The following IFI27L1 variants were observed in gnomAD, a reference collection of about 807,000 sequenced individuals.
IFI27L1 encodes the protein interferon alpha-inducible protein 27-like protein 1.
A neutral mutation model predicts 9.2 loss-of-function variants in IFI27L1; 3 were observed. That is an observed-to-expected ratio of 0.32 (90% CI 0.15 to 0.84). The LOEUF (loss-of-function observed/expected upper bound fraction) is 0.84, where lower values mean the gene tolerates loss of function less well. Ranked by LOEUF, IFI27L1 falls within the 40% of genes least tolerant of loss-of-function variation. IFI27L1 has a pLI of 0.56. For missense variants in IFI27L1, 133 were observed against 134.2 expected, an observed-to-expected ratio of 0.99 and a Z score of 0.05; for synonymous variants, 53 against 50.0, an observed-to-expected ratio of 1.06 and a Z score of -0.26.
intron 2 of IFI27L1, among the ~76,000 whole-genome samples, chr14:94,099,415 G>T (rs2139274679): frequency 6.6e-6 from 1 of 152,278 alleles, no homozygotes; most frequent in South Asian, 2.1e-4. Context: ...GAAGATCCAG[G>T]GAGAAGTTGT....
intron 3 of IFI27L1, chr14:94,101,197 A>G (rs1182342143): frequency 3.1e-6 from 1 of 320,444 alleles, no homozygotes; most frequent in Non-Finnish European, 5.8e-6. Flanking sequence ...GACCTGCTAT[A>G]AAGCAGTGTC....
intron 4 of IFI27L1, chr14:94,102,201 C>T: frequency 3.3e-6 from 2 of 609,238 alleles, no homozygotes; most frequent in Non-Finnish European, 5.8e-6. Context: ...CCTCCCCTCT[C>T]TGGGCCTTTG....
chr14:94,098,790 TAC>T (rs1886774952), intron 2 of IFI27L1, among the ~76,000 whole-genome samples: 1 of 152,170 alleles, frequency 6.6e-6, no homozygotes, highest in East Asian at 1.9e-4. Flanking sequence ...GTCGTGCCTA[TAC>T]ACACATCTTG....
chr14:94,100,784 G>A lies in IFI27L1; in HGVS notation c.61+13G>A, dbSNP rs1360511508. 1 of 1,613,514 alleles carries A rather than the reference G, an allele frequency of 6.2e-7. No individual in the cohort carries two copies. The highest frequency in any genetic ancestry group is 2.2e-5 in the East Asian group (1 of 44,876). On this transcript the variant is annotated intron_variant, in intron 3 of 4. Coordinates refer to ENST00000555523, the MANE Select transcript of IFI27L1 (RefSeq NM_206949.3). ...GTGGTCGGAGGAGGTGAGTCTCTAT[G>A]GGAAGGAACTCAAGCCCCCATCCCC...
chr14:94,085,879 A>G (rs2141445637), intron 1 of IFI27L1, among the ~76,000 whole-genome samples: 1 of 152,372 alleles, frequency 6.6e-6, no homozygotes, highest in Middle Eastern at 3.4e-3. Context: ...TATTTCTTAA[A>G]TGGGAGCCAT....
At chr14:94,091,000 T>C (rs916502569) in intron 1 of IFI27L1, among the ~76,000 whole-genome samples, 5 of 152,246 alleles carry the variant, frequency 3.3e-5, no homozygotes, top group Non-Finnish European at 5.9e-5. Context: ...TTTGGCTCTG[T>C]AAAAGATCAG....
At chr14:94,098,125 G>A (rs923995875) in intron 2 of IFI27L1, among the ~76,000 whole-genome samples, 6 of 152,220 alleles carry the variant, frequency 3.9e-5, no homozygotes, top group South Asian at 2.1e-4. Context: ...AAGATGTGTC[G>A]GCTTCTAGGG....
At chr14:94,098,241 G>A (rs964053556) in intron 2 of IFI27L1, among the ~76,000 whole-genome samples, 4 of 152,230 alleles carry the variant, frequency 2.6e-5, no homozygotes, top group African/African-American at 7.2e-5. Flanking sequence ...CCAGGGCCAT[G>A]CTGTCTCTGA....
chr14:94,089,636 G>A (rs1345554488), intron 1 of IFI27L1, among the ~76,000 whole-genome samples: 1 of 152,106 alleles, frequency 6.6e-6, no homozygotes, highest in East Asian at 1.9e-4. Context: ...CTAAGAATGC[G>A]TAACCTCCTG....
At chr14:94,099,245 C>G (rs973998167) in intron 2 of IFI27L1, among the ~76,000 whole-genome samples, 4 of 152,094 alleles carry the variant, frequency 2.6e-5, no homozygotes, top group Admixed American at 6.5e-5. Flanking sequence ...AGGCACTGCT[C>G]ATCACAGAAG....
intron 1 of IFI27L1, among the ~76,000 whole-genome samples, chr14:94,093,901 G>A (rs986546885): frequency 2.0e-5 from 3 of 152,146 alleles, no homozygotes; most frequent in African/African-American, 7.2e-5. Context: ...AGAAAAAAAA[G>A]GAAAGTGAGA....
intron 4 of IFI27L1, 122 bp from the exon 5 acceptor site, chr14:94,102,355 G>C (rs531386174): frequency 3.2e-6 from 2 of 615,392 alleles, no homozygotes; most frequent in African/African-American, 3.7e-5. Flanking sequence ...CAGAGGTGGG[G>C]AACAGGGTTG....
intron 1 of IFI27L1, among the ~76,000 whole-genome samples, chr14:94,095,866 T>C (rs1795947551): frequency 6.6e-6 from 1 of 152,196 alleles, no homozygotes; most frequent in Non-Finnish European, 1.5e-5. Flanking sequence ...TAGCAGTCCT[T>C]GATTTTAAAG....
chr14:94,094,019 G>A (rs1362721794), intron 1 of IFI27L1, among the ~76,000 whole-genome samples: 3 of 152,114 alleles, frequency 2.0e-5, no homozygotes, highest in South Asian at 4.2e-4. Flanking sequence ...TCCTGGAAAT[G>A]AGGCTGTGTC....
At position 94,101,912 on chromosome 14, in the gene IFI27L1, G is replaced by C; in HGVS notation, c.160G>C (p.Ala54Pro). ...SSIAAKMMST[A>P]AIANGGGVAA... is the part of the protein sequence containing the mutation. Reference sequence around the variant, plus strand: ...CATAGCAGCCAAGATGATGTCTACAGCAGCCATTGCCAACGGGGGCGGAGT... The same window carrying C: ...CATAGCAGCCAAGATGATGTCTACACCAGCCATTGCCAACGGGGGCGGAGT... Residue 54 changes from alanine (A) to proline (P), a missense_variant, in exon 4 of 5, where the codon GCA becomes CCA. Transcript: ENST00000555523. 3 of 1,614,258 alleles carry C rather than the reference G, an allele frequency of 1.9e-6. No individual in the cohort carries two copies. The highest frequency in any genetic ancestry group is 2.5e-6 in the Non-Finnish European group (3 of 1,180,040).
At chr14:94,100,363 A>C (rs1417650793) in intron 2 of IFI27L1, 1 of 985,266 alleles carries the variant, frequency 1.0e-6, no homozygotes, top group East Asian at 1.1e-4. Context: ...CTTTGGTCCC[A>C]GCTGCCTAAG....
chr14:94,086,818 C>T lies in IFI27L1; in HGVS notation c.-52+5369C>T, dbSNP rs530594273. Among the ~76,000 whole-genome samples, 12 of 152,272 alleles carry T rather than the reference C, an allele frequency of 7.9e-5. No individual in the cohort carries two copies. In the East Asian group the frequency reaches 1.2e-3, roughly 15 times the overall value. On this transcript the variant is annotated intron_variant, in intron 1 of 4. Coordinates refer to ENST00000555523, the MANE Select transcript of IFI27L1 (RefSeq NM_206949.3). ...CCCTGAACTCAGGCTTCTTTTGCTTCGAGGTAAACCCATTTCTGCTTCTAT... is the reference window on the plus strand; with the variant it reads ...CCCTGAACTCAGGCTTCTTTTGCTTTGAGGTAAACCCATTTCTGCTTCTAT...
At chr14:94,084,303 A>G (rs931559037) in intron 1 of IFI27L1, among the ~76,000 whole-genome samples, 2 of 152,108 alleles carry the variant, frequency 1.3e-5, no homozygotes, top group African/African-American at 4.8e-5. Context: ...GGAGTTCAAG[A>G]TCAGCCCAGG....
intron 1 of IFI27L1, among the ~76,000 whole-genome samples, chr14:94,082,586 G>A (rs7152844): frequency 0.53 from 80,748 of 152,124 alleles, 23,494 homozygotes; most frequent in African/African-American, 0.79. Context: ...AGTGACTTTG[G>A]ATTGAAGCCA....
Sources: gnomAD v4.1 joint callset for allele counts (sites outside exome capture counted in the v4.1 genomes callset) on GRCh38, gnomAD v4.1.1 for gene constraint, MANE v1.5 for transcripts, NCBI Gene and HGNC (gene_info 2026-07-23, HGNC 2026-07-21) for gene names.